ACTR3C: variants seen among roughly 807,000 people sequenced by gnomAD.
ACTR3C encodes the protein actin related protein 3C.
Under a neutral mutation model 26.3 loss-of-function variants are expected in ACTR3C, and 18 were observed. The ratio of observed to expected loss-of-function variants is 0.68; its 90% CI spans 0.47 to 1.01. ACTR3C has a LOEUF of 1.01. Ranked by LOEUF, ACTR3C falls within the 50% of genes least tolerant of loss-of-function variation. The pLI, the probability that ACTR3C is intolerant of heterozygous loss-of-function variation, is 0.00. For missense variants in ACTR3C, 184 were observed against 250.7 expected, an observed-to-expected ratio of 0.73 and a Z score of 1.80; for synonymous variants, 55 against 94.5, an observed-to-expected ratio of 0.58 and a Z score of 2.42.
intron 6 of ACTR3C, among the ~76,000 whole-genome samples, chr7:150,265,335 G>A (rs1305796899): frequency 2.0e-5 from 3 of 150,812 alleles, no homozygotes; most frequent in Admixed American, 2.0e-4. Flanking sequence ...TTATGTAAAA[G>A]GCAAATATTA....
the ACTR3C span, among the ~76,000 whole-genome samples, chr7:149,945,557 C>G: frequency 3.1e-4 from 47 of 152,164 alleles, no homozygotes; most frequent in African/African-American, 1.1e-3. Flanking sequence ...GAAGGGCAGT[C>G]CAGGAACAGA....
chr7:149,978,512 G>A, the ACTR3C span, among the ~76,000 whole-genome samples: 951 of 152,044 alleles, frequency 6.3e-3, 7 homozygotes, highest in South Asian at 0.042. Flanking sequence ...ACCTACGGGT[G>A]TCTACCTAAA....
At chr7:149,901,974 GA>G in the ACTR3C span, among the ~76,000 whole-genome samples, 16 of 126,908 alleles carry the variant, frequency 1.3e-4, 1 homozygote, top group East Asian at 3.7e-3. Context: ...CTCTGCAGTT[GA>G]AAAAAAATGT....
the ACTR3C span, among the ~76,000 whole-genome samples, chr7:150,035,305 C>T: frequency 2.0e-4 from 10 of 49,236 alleles, 1 homozygote; most frequent in Non-Finnish European, 2.5e-4. Flanking sequence ...CCCCCCCTTG[C>T]GATGGGGGTA....
At chr7:150,002,906 A>C in the ACTR3C span, 2 of 152,286 alleles carry the variant, frequency 1.3e-5, no homozygotes, top group Admixed American at 1.3e-4. Context: ...CACAGGACCC[A>C]GGGTGGGAAG....
chr7:149,904,591 AG>A, the ACTR3C span, among the ~76,000 whole-genome samples: 11 of 123,666 alleles, frequency 8.9e-5, no homozygotes, highest in African/African-American at 2.5e-4. Context: ...GAAAAACACA[AG>A]AGACATGAAT....
the ACTR3C span, among the ~76,000 whole-genome samples, chr7:149,904,214 G>A: frequency 2.0e-3 from 293 of 147,908 alleles, 6 homozygotes; most frequent in South Asian, 0.04. Context: ...GAACCACTGC[G>A]CCTGGCCTGT....
chr7:150,243,918 T>C (rs1318379443), downstream of ACTR3C: 1 of 151,580 alleles, frequency 6.6e-6, no homozygotes, highest in Non-Finnish European at 1.5e-5. Context: ...GACTGTTATC[T>C]GATAAAATGT....
the ACTR3C span, among the ~76,000 whole-genome samples, chr7:150,107,287 C>T: frequency 6.6e-6 from 1 of 150,742 alleles, no homozygotes; most frequent in Non-Finnish European, 1.5e-5. Context: ...CATTCTCACA[C>T]TGTATTTTTT....
chr7:150,140,962 T>C, the ACTR3C span, among the ~76,000 whole-genome samples: 6 of 152,236 alleles, frequency 3.9e-5, no homozygotes, highest in African/African-American at 9.6e-5. Flanking sequence ...ATTGCTGACA[T>C]GAAGAAACTT....
At chr7:150,214,440 G>A in the ACTR3C span, among the ~76,000 whole-genome samples, 3 of 151,872 alleles carry the variant, frequency 2.0e-5, no homozygotes, top group East Asian at 1.9e-4. Context: ...CCGGAGCTAC[G>A]CACACAAACC....
chr7:150,038,123 G>T, the ACTR3C span, among the ~76,000 whole-genome samples: 349 of 142,604 alleles, frequency 2.4e-3, 38 homozygotes, highest in Non-Finnish European at 3.9e-3. Flanking sequence ...AGCCAGGGGG[G>T]AAGAGGGGAT....
At chr7:150,020,652 G>A in the ACTR3C span, among the ~76,000 whole-genome samples, 3 of 151,708 alleles carry the variant, frequency 2.0e-5, no homozygotes, top group Admixed American at 1.3e-4. Flanking sequence ...ACCTTGGTAC[G>A]CATCCTGTAT....
At chr7:150,169,921 T>G in the ACTR3C span, among the ~76,000 whole-genome samples, 2 of 150,548 alleles carry the variant, frequency 1.3e-5, no homozygotes, top group African/African-American at 2.5e-5. Flanking sequence ...TCTTCTCTTC[T>G]TCCTTCATTT....
the ACTR3C span, among the ~76,000 whole-genome samples, chr7:150,153,048 A>G: frequency 6.6e-6 from 1 of 151,954 alleles, no homozygotes; most frequent in African/African-American, 2.4e-5. Context: ...TATTAGTCTT[A>G]CTAGCGGTCT....
At chr7:149,891,724 T>G in the ACTR3C span, among the ~76,000 whole-genome samples, 4 of 134,922 alleles carry the variant, frequency 3.0e-5, no homozygotes, top group African/African-American at 1.0e-4. Context: ...ACTTGGGAAG[T>G]TGAGGTGAGA....
the ACTR3C span, among the ~76,000 whole-genome samples, chr7:149,885,957 A>G: frequency 2.6e-5 from 4 of 152,240 alleles, no homozygotes; most frequent in Admixed American, 6.5e-5. Flanking sequence ...TCTGATGATG[A>G]TTAGTTGAGT....
At chr7:149,900,278 C>T in the ACTR3C span, among the ~76,000 whole-genome samples, 8 of 152,108 alleles carry the variant, frequency 5.3e-5, no homozygotes, top group South Asian at 4.2e-4. Context: ...CGGGTTTAAG[C>T]GATTCTCCTG....
the ACTR3C span, among the ~76,000 whole-genome samples, chr7:150,038,108 C>T: frequency 7.1e-6 from 1 of 141,558 alleles, no homozygotes; most frequent in African/African-American, 2.7e-5. Flanking sequence ...GATGGGAGTC[C>T]CAAGAGCCAG....
Sources: allele counts gnomAD v4.1 joint callset (sites outside exome capture counted in the v4.1 genomes callset), GRCh38; gene constraint gnomAD v4.1.1; transcripts MANE v1.5; gene names NCBI Gene and HGNC (gene_info 2026-07-23, HGNC 2026-07-21).